Variants in NUP93 observed in about 807,000 individuals in gnomAD.
NUP93 encodes the protein nucleoporin 93.
NUP93 carries 55 observed loss-of-function variants against 107.8 expected under a neutral mutation model. The ratio of observed to expected loss-of-function variants is 0.51; its 90% confidence interval spans 0.41 to 0.64. The LOEUF is 0.64. NUP93 is among the 30% of genes least tolerant of loss of function. The probability of loss-of-function intolerance (pLI) is 0.00; values close to 1 mark genes in which losing one functional copy is unlikely to be tolerated. For synonymous variants in NUP93, 390 were observed against 397.5 expected (o/e 0.98, Z 0.22); for missense variants, 937 against 1,044.7 (o/e 0.90, Z 1.42).
At chr16:56,841,202 T>C (rs1407556505) in intron 20 of NUP93, among the ~76,000 whole-genome samples, 2 of 152,132 alleles carry the variant, frequency 1.3e-5, no homozygotes, top group Non-Finnish European at 2.9e-5. Context: ...CTTCATTGCA[T>C]CAGGGATTAA....
At chr16:56,757,767 A>G (rs75925648) in intron 2 of NUP93, among the ~76,000 whole-genome samples, 3,594 of 152,340 alleles carry the variant, frequency 0.024, 58 homozygotes, top group South Asian at 0.061. Flanking sequence ...AAGGGAAGCC[A>G]TGGAGAACTG....
At chr16:56,788,706 A>G (rs754865464) in intron 3 of NUP93, among the ~76,000 whole-genome samples, 2 of 152,230 alleles carry the variant, frequency 1.3e-5, no homozygotes, top group African/African-American at 2.4e-5. Flanking sequence ...CATCATAGGA[A>G]TGCCCTTAAC....
At chr16:56,776,002 A>AT (rs201762451) in intron 3 of NUP93, among the ~76,000 whole-genome samples, 17 of 144,670 alleles carry the variant, frequency 1.2e-4, no homozygotes, top group Admixed American at 3.4e-4. Context: ...TATTTTATAT[A>AT]TTTTTTTTTT....
rs764516342 is a variant in NUP93, at chr16:56,833,314, T to C, written c.1445T>C (p.Met482Thr). The C allele has an allele frequency of 5.6e-6, 9 of 1,606,526 alleles. No homozygotes were observed. Among genetic ancestry groups the C allele is most frequent in the South Asian group, 3.3e-5 (3 of 89,638 alleles). ...FEAAVAFLFR[M>T]ERLRCHAVHV... ...GCAGCAGTTGCCTTTCTTTTCCGCA[T>C]GGAGCGGCTGCGCTGCCATGCTGTC... Residue 482 changes from methionine to threonine, a missense_variant, in exon 13 of 22, where the codon ATG becomes ACG. Met to Thr is a moderately conservative substitution (Grantham distance 81). Coordinates refer to ENST00000308159, the MANE Select transcript of NUP93 (RefSeq NM_014669.5).
chr16:56,731,651 G>A (rs1480236142), intron 1 of NUP93, among the ~76,000 whole-genome samples: 1 of 152,004 alleles, frequency 6.6e-6, no homozygotes, highest in Non-Finnish European at 1.5e-5. Flanking sequence ...CAAGTGATCC[G>A]CCCATTTCGG....
chr16:56,750,938 C>T (rs1444944094), intron 2 of NUP93, among the ~76,000 whole-genome samples: 2 of 152,016 alleles, frequency 1.3e-5, no homozygotes, highest in African/African-American at 4.8e-5. Context: ...GCAGATGAAT[C>T]GCTTGAACTC....
rs1334457327 is a variant in NUP93 at position 56,834,371 on chromosome 16, G to A, written c.1666G>A (p.Asp556Asn). 3 of 1,614,100 alleles carry A rather than the reference G, an allele frequency of 1.9e-6. No homozygotes were observed. The African/African-American group carries it at 4.0e-5, about 22-fold the overall frequency. Residue 556 changes from aspartate to asparagine, a missense_variant and splice_region_variant, in exon 15 of 22, where the codon GAT (aspartate) becomes AAT (asparagine). Asp to Asn is a conservative substitution (Grantham distance 23, BLOSUM62 1). Coordinates refer to ENST00000308159, the MANE Select transcript of NUP93 (RefSeq NM_014669.5). ...CTGAGTTGTTTATTTCCCTTACAGG[G>A]ATGAGAAAGATAGTCAAGGAGAAAA... ...EALQYFYFLR[D>N]EKDSQGENMF...
At chr16:56,822,442 G>C (rs114037767) in intron 7 of NUP93, among the ~76,000 whole-genome samples, 1 of 151,470 alleles carries the variant, frequency 6.6e-6, no homozygotes, top group African/African-American at 2.4e-5. Context: ...AGTCCGGGGG[G>C]GCCCAGGCTG....
chr16:56,808,164 TATATA>T (rs1963196539), intron 5 of NUP93, among the ~76,000 whole-genome samples: 1 of 129,612 alleles, frequency 7.7e-6, no homozygotes, highest in African/African-American at 2.9e-5. Context: ...AATATATAGT[TATATA>T]ACTATATAAA....
chr16:56,733,280 C>G (rs2144426167), intron 1 of NUP93, among the ~76,000 whole-genome samples: 1 of 152,172 alleles, frequency 6.6e-6, no homozygotes, highest in Admixed American at 6.5e-5. Flanking sequence ...TGGAAGGTGT[C>G]CCTGATGGAC....
At position 56,751,387 on chromosome 16, in the gene NUP93, G is replaced by A. The variant is rs113491553; in HGVS notation, c.179+2961G>A. Among the ~76,000 whole-genome samples, 1,359 of 152,224 alleles carry A rather than the reference G, an allele frequency of 8.9e-3. 18 individuals carry two copies. Among genetic ancestry groups the A allele is most frequent in the African/African-American group, 0.031 (1,282 of 41,536 alleles). On this transcript the variant is annotated intron_variant, in intron 2 of 21. Coordinates refer to ENST00000308159, the MANE Select transcript of NUP93 (RefSeq NM_014669.5). ...TTTAAGCTCTTACTGTTTGTTAGGC[G>A]CTGTGCCACACACTTTACACGCATT...
chr16:56,804,189 T>A (rs80244640), intron 4 of NUP93, among the ~76,000 whole-genome samples: 6,428 of 150,584 alleles, frequency 0.043, 199 homozygotes, highest in African/African-American at 0.079. Flanking sequence ...TAAAATTACC[T>A]TGCAGTTCCA....
intron 1 of NUP93, among the ~76,000 whole-genome samples, chr16:56,744,431 A>C (rs1320874838): frequency 2.6e-5 from 4 of 152,216 alleles, no homozygotes; most frequent in African/African-American, 9.6e-5. Context: ...TGGGATGATT[A>C]ATATATCAAA....
intron 7 of NUP93, among the ~76,000 whole-genome samples, 171 bp downstream of exon 7, chr16:56,821,764 A>G (rs965599326): frequency 6.6e-5 from 10 of 152,022 alleles, no homozygotes; most frequent in Admixed American, 2.0e-4. Context: ...CTTGATGATG[A>G]ATTTTTAAAA....
In NUP93 at chr16:56,834,457, T is replaced by G; in HGVS notation, c.1737+15T>G. On this transcript the variant is annotated intron_variant, in intron 15 of 21. Coordinates refer to ENST00000308159, the MANE Select transcript of NUP93 (RefSeq NM_014669.5). ...AAAGCCGAGAGGTGAGTGGGTTTCC[T>G]TTTCTCTCCTCCCCATGGTTTTCAG... 1 of 1,612,938 alleles carries G rather than the reference T, an allele frequency of 6.2e-7. No individual in the cohort carries two copies. Among genetic ancestry groups the G allele is most frequent in the Non-Finnish European group, 8.5e-7 (1 of 1,178,928 alleles).
At position 56,840,553 on chromosome 16, in the gene NUP93, G is replaced by C. The variant is rs867084184; in HGVS notation, c.2220+949G>C. ...GCCCAGACCTCCCCCAGTCATTCCAGTGTGTGGCCCAGGTAAATTCTTCTC... is the reference window on the plus strand; with the variant it reads ...GCCCAGACCTCCCCCAGTCATTCCACTGTGTGGCCCAGGTAAATTCTTCTC... On this transcript the variant is annotated intron_variant, in intron 20 of 21. Coordinates refer to ENST00000308159, the MANE Select transcript of NUP93 (RefSeq NM_014669.5). Among the ~76,000 whole-genome samples, 3 of 152,190 alleles carry C rather than the reference G, an allele frequency of 2.0e-5. No individual in the cohort carries two copies. The South Asian group carries it at 6.2e-4, about 31-fold the overall frequency.
chr16:56,838,923 A>T, intron 18 of NUP93, 29 bp from the exon 19 acceptor site: 1 of 1,486,832 alleles, frequency 6.7e-7, no homozygotes, highest in Non-Finnish European at 9.4e-7. Context: ...ATACACTCTT[A>T]CTACCCCCAC....
At chr16:56,838,014 G>T (rs149177105) in intron 18 of NUP93, among the ~76,000 whole-genome samples, 41 of 152,086 alleles carry the variant, frequency 2.7e-4, no homozygotes, top group Non-Finnish European at 5.0e-4. Context: ...CATTATGCTC[G>T]CCTAAATACT....
chr16:56,813,224 A>G (rs1336501427), intron 5 of NUP93, among the ~76,000 whole-genome samples: 2 of 152,232 alleles, frequency 1.3e-5, no homozygotes, highest in Non-Finnish European at 2.9e-5. Flanking sequence ...ATCACTTCTC[A>G]GTCATGCATC....
Sources: gnomAD v4.1 joint callset for allele counts (sites outside exome capture counted in the v4.1 genomes callset) on GRCh38, gnomAD v4.1.1 for gene constraint, MANE v1.5 for transcripts, NCBI Gene and HGNC (gene_info 2026-07-23, HGNC 2026-07-21) for gene names.